The following TLR2 variants were observed in gnomAD, a reference collection of about 807,000 sequenced individuals.
The protein encoded by TLR2 is toll like receptor 2, also known as toll-like receptor 2.
TLR2 carries 7 observed loss-of-function variants against 9.1 expected under a neutral mutation model. The observed-to-expected ratio is 0.77, with a 90% CI of 0.44 to 1.44. The LOEUF is 1.44. TLR2 is among the 40% of genes most tolerant of loss of function. The probability of loss-of-function intolerance (pLI) is 0.01; values close to 1 mark genes in which losing one functional copy is unlikely to be tolerated. For missense variants in TLR2, 812 were observed against 904.6 expected (o/e 0.90, Z 1.31); for synonymous variants, 317 against 344.6 (o/e 0.92, Z 0.89).
chr4:153,702,806 GTT>G (rs1553950156), intron 2 of TLR2, 84 bp from the exon 3 acceptor site: 2 of 703,942 alleles, frequency 2.8e-6, no homozygotes, highest in Non-Finnish European at 4.6e-6. Context: ...GTGTGTGTGT[GTT>G]ATGCCTAGAA....
At chr4:153,707,408 G>A (rs1230229248), downstream of TLR2, among the ~76,000 whole-genome samples, 1 of 152,076 alleles carries the variant, frequency 6.6e-6, no homozygotes, top group Non-Finnish European at 1.5e-5. Flanking sequence ...ATATTAGCAG[G>A]GCATGGTGGC....
chr4:153,703,033 T>TCCA lies in TLR2; in HGVS notation c.126_127insCCA (p.Ser42_Leu43insPro). 1 of 1,614,098 alleles carries TCCA rather than the reference T, an allele frequency of 6.2e-7. No homozygotes were observed. The highest frequency in any genetic ancestry group is 1.1e-5 in the South Asian group (1 of 91,070). On this transcript the variant is annotated inframe_insertion, in exon 3 of 3. Transcript: ENST00000642700. ...GTATCTGCAAGGGCAGCTCAGGATCTTTAAACTCCATTCCCTCAGGGCTCA... is the reference window on the plus strand; with the variant it reads ...GTATCTGCAAGGGCAGCTCAGGATCTCCATTAAACTCCATTCCCTCAGGGCTCA...
intron 1 of TLR2, among the ~76,000 whole-genome samples, chr4:153,685,714 A>AT (rs1735656322): frequency 6.6e-6 from 1 of 152,206 alleles, no homozygotes; most frequent in Non-Finnish European, 1.5e-5. Flanking sequence ...CTATCAGTTA[A>AT]TTTTTTGGGG....
At chr4:153,702,793 TG>T in intron 2 of TLR2, 98 bp from the exon 3 acceptor site, 1 of 674,826 alleles carries the variant, frequency 1.5e-6, no homozygotes, top group African/African-American at 1.8e-5. Context: ...TGTGTGTGTG[TG>T]TGTGTGTGTG....
At chr4:153,708,418 C>A (rs1737399722), downstream of TLR2, among the ~76,000 whole-genome samples, 1 of 152,062 alleles carries the variant, frequency 6.6e-6, no homozygotes, top group Non-Finnish European at 1.5e-5. Flanking sequence ...GTTTTATCTC[C>A]CTACCCCTTG....
rs548073820 is a variant in TLR2, at chr4:153,689,652, A to T, written c.-17+1605A>T. Among the ~76,000 whole-genome samples, 31 of 152,352 alleles carry T rather than the reference A, an allele frequency of 2.0e-4. 1 individual carries two copies. In the South Asian group the frequency reaches 6.2e-3, roughly 31 times the overall value. ...ATACTGAGATCAGAAAGCATGTGTA[A>T]CTGTGTCATAGAATGATTACATCCA... is the stretch of plus-strand genomic sequence containing the variant. On this transcript the variant is annotated intron_variant, in intron 2 of 2. Transcript: ENST00000642700.
At chr4:153,690,490 G>A (rs1218558719) in intron 2 of TLR2, among the ~76,000 whole-genome samples, 2 of 152,210 alleles carry the variant, frequency 1.3e-5, no homozygotes, top group Non-Finnish European at 2.9e-5. Flanking sequence ...CACTGCAAAA[G>A]GTGATGCTTA....
At chr4:153,691,276 C>T (rs867093417) in intron 2 of TLR2, among the ~76,000 whole-genome samples, 2 of 152,132 alleles carry the variant, frequency 1.3e-5, no homozygotes, top group South Asian at 4.1e-4. Flanking sequence ...ATCAAGAATA[C>T]CCACAAAGTC....
intron 2 of TLR2, among the ~76,000 whole-genome samples, chr4:153,694,402 C>G (rs984126020): frequency 3.3e-5 from 5 of 152,158 alleles, no homozygotes; most frequent in African/African-American, 1.2e-4. Context: ...CAGTTTATGG[C>G]CAGATTTGAG....
rs1737084114 is a variant in TLR2, at chr4:153,703,548, T to C, written c.641T>C (p.Leu214Pro). 2 of 1,614,144 alleles carry C rather than the reference T, an allele frequency of 1.2e-6. No homozygotes were observed. The highest frequency in any genetic ancestry group is 4.5e-5 in the East Asian group (2 of 44,872). The change falls in exon 3 of 3, where the codon CTG (leucine) becomes CCG (proline). Residue 214 changes from leucine to proline, a missense_variant. Transcript: ENST00000642700. Reference protein sequence around the residue: ...ILHMKQHILLLEIFVDVTSSV... With the variant: ...ILHMKQHILLPEIFVDVTSSV... ...CATATGAAGCAGCATATTTTACTGC[T>C]GGAGATTTTTGTAGATGTTACAAGT...
In TLR2 at chr4:153,703,336, T is replaced by A; in HGVS notation, c.429T>A (p.Ser143=). 1 of 1,613,844 alleles carries A rather than the reference T, an allele frequency of 6.2e-7. No individual in the cohort carries two copies. The highest frequency in any genetic ancestry group is 8.5e-7 in the Non-Finnish European group (1 of 1,179,974). ...CTTACAAAACCCTAGGGGAAACATCTCTTTTTTCTCATCTCACAAAATTGC... is the reference window on the plus strand; with the variant it reads ...CTTACAAAACCCTAGGGGAAACATCACTTTTTTCTCATCTCACAAAATTGC... The part of the protein sequence containing the change: ...GNPYKTLGET[S]LFSHLTKLQI... Residue 143 remains serine (S), a synonymous_variant, in exon 3 of 3, where the codon TCT becomes TCA. Coordinates refer to ENST00000642700, the MANE Select transcript of TLR2 (RefSeq NM_001318789.2).
chr4:153,709,837 G>C (rs187514772), downstream of TLR2, among the ~76,000 whole-genome samples: 34 of 152,346 alleles, frequency 2.2e-4, no homozygotes, highest in African/African-American at 7.2e-4. Context: ...CATTGAGAAG[G>C]TGTGGCACCT....
intron 2 of TLR2, among the ~76,000 whole-genome samples, chr4:153,698,164 T>A (rs903410238): frequency 1.3e-5 from 2 of 152,112 alleles, no homozygotes; most frequent in Non-Finnish European, 2.9e-5. Context: ...TCTGATAACT[T>A]TAAGATCATA....
chr4:153,684,987 A>C (rs1223679255), intron 1 of TLR2, among the ~76,000 whole-genome samples: 2 of 151,970 alleles, frequency 1.3e-5, no homozygotes, highest in Admixed American at 1.3e-4. Context: ...GTCCTCGCTC[A>C]CTGGTTACTG....
At chr4:153,697,203 G>A (rs1424469908) in intron 2 of TLR2, among the ~76,000 whole-genome samples, 1 of 152,048 alleles carries the variant, frequency 6.6e-6, no homozygotes, top group Non-Finnish European at 1.5e-5. Flanking sequence ...AAAAAATTGA[G>A]CATGAATATC....
chr4:153,694,365 G>T (rs138093311), intron 2 of TLR2, among the ~76,000 whole-genome samples: 1 of 152,222 alleles, frequency 6.6e-6, no homozygotes, highest in Admixed American at 6.5e-5. Flanking sequence ...GTGCTGCAGA[G>T]ATTTTGTTTA....
chr4:153,691,280 C>T (rs1293895754), intron 2 of TLR2, among the ~76,000 whole-genome samples: 2 of 152,208 alleles, frequency 1.3e-5, no homozygotes, highest in African/African-American at 4.8e-5. Flanking sequence ...AGAATACCCA[C>T]AAAGTCAGCT....
At position 153,702,939 on chromosome 4, in the gene TLR2, TG is replaced by T. The variant is rs1206081706; in HGVS notation, c.37del (p.Val13SerfsTer31). ...CATACTTTGTGGATGGTGTGGGTCT[TG>T]GGGGTCATCATCAGCCTCTCCAAGG... is the stretch of plus-strand genomic sequence containing the variant. MPHTLWMVWVLGVIISLSKEE... is the reference protein window; with the variant it reads MPHTLWMVWVXGVIISLSKEE... On this transcript the variant is annotated frameshift_variant, in exon 3 of 3. Coordinates refer to ENST00000642700, the MANE Select transcript of TLR2 (RefSeq NM_001318789.2). LOFTEE classifies it low-confidence loss of function (END_TRUNC). 3.1e-6 allele frequency: 5 copies of T among 1,602,092 alleles called. No homozygotes were observed. The highest frequency in any genetic ancestry group is 2.6e-6 in the Non-Finnish European group (3 of 1,174,030).
rs113376473 is a variant in TLR2, at chr4:153,705,121, G to A, written c.2214G>A (p.Glu738=). 4.3e-6 allele frequency: 7 copies of A among 1,614,094 alleles called. No homozygotes were observed. The highest frequency in any genetic ancestry group is 1.3e-5 in the African/African-American group (1 of 74,998). ...ATGCTGCCATTCTCATTCTTCTGGA[G>A]CCCATTGAGAAAAAAGCCATTCCCC... ...NNDAAILILL[E]PIEKKAIPQR... is the part of the protein sequence containing the mutation. Residue 738 remains glutamate, a synonymous_variant, in exon 3 of 3, where the codon GAG becomes GAA. Coordinates refer to ENST00000642700, the MANE Select transcript of TLR2 (RefSeq NM_001318789.2).
Sources: gnomAD v4.1 joint callset for allele counts (sites outside exome capture counted in the v4.1 genomes callset) on GRCh38, gnomAD v4.1.1 for gene constraint, MANE v1.5 for transcripts, NCBI Gene and HGNC (gene_info 2026-07-23, HGNC 2026-07-21) for gene names.